The following OR2C1 variants were observed in gnomAD, a reference collection of about 807,000 sequenced individuals.
OR2C1 encodes the protein olfactory receptor 2C1.
For synonymous variants in OR2C1, 209 were observed against 167.3 expected, an observed-to-expected ratio of 1.25 and a Z score of -1.92; for missense variants, 468 against 388.3, an observed-to-expected ratio of 1.21 and a Z score of -1.73.
the OR2C1 span, among the ~76,000 whole-genome samples, chr16:3,337,196 C>G: frequency 2.6e-5 from 4 of 150,988 alleles, no homozygotes; most frequent in African/African-American, 9.8e-5. Flanking sequence ...GCTCTGTCTC[C>G]CAGGCTGGAG....
At chr16:3,334,901 C>T in the OR2C1 span, among the ~76,000 whole-genome samples, 2 of 151,904 alleles carry the variant, frequency 1.3e-5, no homozygotes, top group African/African-American at 4.8e-5. Context: ...TCACTGCAGC[C>T]TCCGCCTCCC....
chr16:3,324,190 A>T, the OR2C1 span, among the ~76,000 whole-genome samples: 78 of 152,166 alleles, frequency 5.1e-4, no homozygotes, highest in South Asian at 1.0e-3. Flanking sequence ...AGGAAAAAAA[A>T]TTTTTTATTT....
In OR2C1 at chr16:3,356,699, C is replaced by T. The variant is rs1284869963; in HGVS notation, c.759C>T (p.Gly253=). The T allele has an allele frequency of 5.6e-6, 9 of 1,614,080 alleles. No homozygotes were observed. The highest frequency in any genetic ancestry group is 7.6e-6 in the Non-Finnish European group (9 of 1,180,026). Reference sequence around the variant, plus strand: ...TGCTGGTGGTGTTCCTCTTCTATGGCTCAGCCAGCTATGGGTATCTGCTTC... The same window carrying T: ...TGCTGGTGGTGTTCCTCTTCTATGGTTCAGCCAGCTATGGGTATCTGCTTC... The part of the protein sequence containing the change: ...SHLLVVFLFY[G]SASYGYLLPA... The change falls in exon 1 of 1, where the codon GGC becomes GGT. Residue 253 remains glycine, a synonymous_variant. Transcript: ENST00000304936.
the OR2C1 span, among the ~76,000 whole-genome samples, chr16:3,329,409 A>G: frequency 2.0e-5 from 3 of 152,160 alleles, 1 homozygote; most frequent in South Asian, 6.2e-4. Flanking sequence ...AAAGGCCAAA[A>G]AGGGGGAAAA....
At chr16:3,325,683 G>T in the OR2C1 span, among the ~76,000 whole-genome samples, 2 of 150,936 alleles carry the variant, frequency 1.3e-5, no homozygotes, top group Non-Finnish European at 3.0e-5. Context: ...ATACATATGT[G>T]AATAAACTCT....
downstream of OR2C1, among the ~76,000 whole-genome samples, chr16:3,358,073 T>C (rs921228113): frequency 1.3e-5 from 2 of 151,958 alleles, no homozygotes; most frequent in Non-Finnish European, 2.9e-5. Flanking sequence ...CCCTCTCCCT[T>C]ATGCCTATAT....
chr16:3,357,935 C>T (rs1405224491), downstream of OR2C1, among the ~76,000 whole-genome samples: 2 of 151,524 alleles, frequency 1.3e-5, no homozygotes, highest in South Asian at 4.2e-4. Flanking sequence ...GAGCTGAGAT[C>T]GTGCCATTGC....
chr16:3,344,787 C>A, the OR2C1 span, among the ~76,000 whole-genome samples: 1 of 152,050 alleles, frequency 6.6e-6, no homozygotes, highest in Non-Finnish European at 1.5e-5. Flanking sequence ...AAACCAGGAA[C>A]CTCCCTCTAT....
At chr16:3,331,726 G>A in the OR2C1 span, among the ~76,000 whole-genome samples, 1 of 152,108 alleles carries the variant, frequency 6.6e-6, no homozygotes, top group South Asian at 2.1e-4. Flanking sequence ...CCATTACTGG[G>A]TATATTCCCA....
the OR2C1 span, among the ~76,000 whole-genome samples, chr16:3,348,251 T>C: frequency 7.2e-5 from 11 of 152,252 alleles, no homozygotes; most frequent in African/African-American, 2.4e-4. Flanking sequence ...GAATAAAATA[T>C]AGTATTTAAG....
chr16:3,333,426 C>G, the OR2C1 span, among the ~76,000 whole-genome samples: 99 of 152,020 alleles, frequency 6.5e-4, no homozygotes, highest in African/African-American at 2.0e-3. Context: ...AGCTCCGCCT[C>G]CCGGGTTCGC....
chr16:3,348,591 G>T, the OR2C1 span, among the ~76,000 whole-genome samples: 41 of 152,204 alleles, frequency 2.7e-4, no homozygotes, highest in Admixed American at 1.8e-3. Flanking sequence ...GATCAGGAGA[G>T]ACTTGCTGGG....
At chr16:3,346,103 G>A in the OR2C1 span, among the ~76,000 whole-genome samples, 2,826 of 152,178 alleles carry the variant, frequency 0.019, 84 homozygotes, top group African/African-American at 0.064. Context: ...CAAAGTGCTC[G>A]GATTGCAGGC....
At chr16:3,328,956 A>G in the OR2C1 span, among the ~76,000 whole-genome samples, 5 of 150,322 alleles carry the variant, frequency 3.3e-5, no homozygotes, top group East Asian at 9.7e-4. Context: ...TAAACACAAC[A>G]CATGAAATAA....
At chr16:3,330,545 T>C in the OR2C1 span, among the ~76,000 whole-genome samples, 2 of 152,182 alleles carry the variant, frequency 1.3e-5, no homozygotes, top group Non-Finnish European at 2.9e-5. Context: ...CCAAAGAGTT[T>C]TACATAGGTA....
At chr16:3,333,210 C>CTTTTTTTTTTTTTTTTTTT in the OR2C1 span, among the ~76,000 whole-genome samples, 3 of 33,030 alleles carry the variant, frequency 9.1e-5, 1 homozygote, top group Admixed American at 1.0e-3. Context: ...ATCTTTTGCC[C>CTTTTTTTTTTTTTTTTTTT]ATTTTTTTTT....
At chr16:3,340,517 T>G in the OR2C1 span, among the ~76,000 whole-genome samples, 1 of 152,216 alleles carries the variant, frequency 6.6e-6, no homozygotes. Flanking sequence ...AAGAATCCAT[T>G]GCCAAATCCA....
At chr16:3,323,641 C>A in the OR2C1 span, 13 of 713,234 alleles carry the variant, frequency 1.8e-5, no homozygotes, top group East Asian at 3.2e-4. Context: ...CGCCAACAAT[C>A]CTTTTGCTGC....
At chr16:3,354,151 T>A (rs896997963), upstream of OR2C1, among the ~76,000 whole-genome samples, 1 of 151,896 alleles carries the variant, frequency 6.6e-6, no homozygotes, top group Non-Finnish European at 1.5e-5. Context: ...GCCCGACAAA[T>A]TTTTTGTATT....
Sources: gnomAD v4.1 joint callset for allele counts (sites outside exome capture counted in the v4.1 genomes callset) on GRCh38, gnomAD v4.1.1 for gene constraint, MANE v1.5 for transcripts, NCBI Gene and HGNC (gene_info 2026-07-23, HGNC 2026-07-21) for gene names.